The following ZDHHC21 variants were observed in gnomAD, a reference collection of about 807,000 sequenced individuals.
ZDHHC21 encodes palmitoyltransferase ZDHHC21.
A neutral mutation model predicts 34.6 loss-of-function variants in ZDHHC21; 15 were observed. That is an observed-to-expected ratio of 0.43 (90% CI 0.29 to 0.67). The LOEUF (loss-of-function observed/expected upper bound fraction) is 0.67. Among genes scored for constraint, ZDHHC21 ranks in the 30% least tolerant of loss-of-function variants. The pLI is 0.14. For synonymous variants in ZDHHC21, 142 were observed against 101.8 expected, an observed-to-expected ratio of 1.40 and a Z score of -2.38; for missense variants, 344 against 327.7, an observed-to-expected ratio of 1.05 and a Z score of -0.38.
At chr9:14,657,857 G>C (rs191700412) in intron 7 of ZDHHC21, among the ~76,000 whole-genome samples, 2 of 152,064 alleles carry the variant, frequency 1.3e-5, no homozygotes, top group African/African-American at 4.8e-5. Flanking sequence ...TTTCTTATTA[G>C]GCTCAATTAT....
chr9:14,673,541 AC>A (rs1052441450), intron 4 of ZDHHC21, among the ~76,000 whole-genome samples: 17 of 151,760 alleles, frequency 1.1e-4, no homozygotes, highest in Admixed American at 3.3e-4. Context: ...AAAAAAAAAA[AC>A]ATACTGTACA....
intron 7 of ZDHHC21, among the ~76,000 whole-genome samples, chr9:14,657,808 T>C (rs1369356716): frequency 6.6e-6 from 1 of 152,180 alleles, no homozygotes; most frequent in Non-Finnish European, 1.5e-5. Context: ...TTAAAAAAAT[T>C]ATTACCTTAA....
intron 7 of ZDHHC21, among the ~76,000 whole-genome samples, chr9:14,650,337 T>C (rs1003249051): frequency 1.3e-4 from 20 of 152,002 alleles, no homozygotes; most frequent in African/African-American, 4.8e-4. Context: ...CCAAATTACT[T>C]TTATATTAGC....
At chr9:14,606,404 T>A (rs1234650614), downstream of ZDHHC21, among the ~76,000 whole-genome samples, 2 of 152,210 alleles carry the variant, frequency 1.3e-5, no homozygotes, top group Non-Finnish European at 2.9e-5. Flanking sequence ...TAGAGGTCCA[T>A]GTAGGTGTTC....
At chr9:14,690,242 G>C (rs923866692) in intron 2 of ZDHHC21, 95 bp downstream of exon 2, 2 of 414,782 alleles carry the variant, frequency 4.8e-6, no homozygotes, top group Non-Finnish European at 9.5e-6. Flanking sequence ...GGGGGGTTGG[G>C]GGTAGAAGAC....
chr9:14,632,064 A>ACACAC (rs1554757642), intron 8 of ZDHHC21, among the ~76,000 whole-genome samples: 2,945 of 135,100 alleles, frequency 0.022, 75 homozygotes, highest in African/African-American at 0.072. Context: ...AACACACACA[A>ACACAC]ACACACACAC....
At chr9:14,640,603 T>TA (rs1270140466) in intron 7 of ZDHHC21, among the ~76,000 whole-genome samples, 12 of 152,264 alleles carry the variant, frequency 7.9e-5, no homozygotes, top group Middle Eastern at 3.4e-3. Context: ...AGCATTGTGT[T>TA]ACGTAACAGA....
Position 14,612,558 on chromosome 9 carries a change from T to A in ZDHHC21, c.*6408A>T, listed in dbSNP as rs1564165192. ...ATTAACTACTAAGCAAAATTAGTTTTAAAAATCTTACTCTATGTAAAGTGA... is the reference window on the plus strand; with the variant it reads ...ATTAACTACTAAGCAAAATTAGTTTAAAAAATCTTACTCTATGTAAAGTGA... On this transcript the variant is annotated 3_prime_UTR_variant, in exon 10 of 10. Coordinates refer to ENST00000380916, the MANE Select transcript of ZDHHC21 (RefSeq NM_178566.6). The A allele has an allele frequency of 6.6e-6, 1 of 151,986 alleles. No homozygotes were observed. The highest frequency in any genetic ancestry group is 2.4e-5 in the African/African-American group (1 of 41,434). 9.4% of individuals were successfully genotyped at this position (151,986 alleles called of 1,614,324 possible). A position where few individuals can be genotyped will look rare whatever the true frequency, so the allele number is the denominator to read the frequency against.
chr9:14,630,952 A>G (rs1286141813), intron 8 of ZDHHC21, among the ~76,000 whole-genome samples: 1 of 152,214 alleles, frequency 6.6e-6, no homozygotes, highest in Non-Finnish European at 1.5e-5. Context: ...ATTTAGCATA[A>G]TTCTTAAGAG....
At chr9:14,621,966 C>T (rs747215743) in intron 8 of ZDHHC21, among the ~76,000 whole-genome samples, 17 of 151,978 alleles carry the variant, frequency 1.1e-4, no homozygotes, top group Non-Finnish European at 2.1e-4. Flanking sequence ...ATGAAAGGAC[C>T]AATAAGATAA....
At chr9:14,650,811 A>G (rs1402785256) in intron 7 of ZDHHC21, among the ~76,000 whole-genome samples, 1 of 151,912 alleles carries the variant, frequency 6.6e-6, no homozygotes, top group Non-Finnish European at 1.5e-5. Flanking sequence ...GCTAAACATT[A>G]TTTATTTTCC....
At chr9:14,690,523 G>C in intron 1 of ZDHHC21, 138 bp from the exon 2 acceptor site, 2 of 369,822 alleles carry the variant, frequency 5.4e-6, no homozygotes, top group South Asian at 4.2e-5. Context: ...TTGTAGAAGG[G>C]GCAACACATC....
intron 7 of ZDHHC21, among the ~76,000 whole-genome samples, chr9:14,657,611 G>A (rs1832480886): frequency 6.6e-6 from 1 of 152,160 alleles, no homozygotes; most frequent in Admixed American, 6.5e-5. Flanking sequence ...AGCAGCCATA[G>A]ACAATATATA....
intron 6 of ZDHHC21, among the ~76,000 whole-genome samples, chr9:14,659,693 T>A (rs993572809): frequency 6.6e-6 from 1 of 152,232 alleles, no homozygotes; most frequent in African/African-American, 2.4e-5. Context: ...CAGGTTTCGG[T>A]CCTAACTTAA....
chr9:14,689,973 C>G (rs543153266), intron 2 of ZDHHC21, among the ~76,000 whole-genome samples: 84 of 152,164 alleles, frequency 5.5e-4, no homozygotes, highest in African/African-American at 2.0e-3. Flanking sequence ...TACAAAAGGT[C>G]TCTGTGGGAA....
chr9:14,635,776 G>A (rs1027145738), intron 8 of ZDHHC21, among the ~76,000 whole-genome samples: 30 of 152,116 alleles, frequency 2.0e-4, no homozygotes, highest in Admixed American at 1.4e-3. Context: ...CACAAGAATT[G>A]CTTGAACCTG....
chr9:14,609,715 GAA>G (rs1823140536), downstream of ZDHHC21, among the ~76,000 whole-genome samples: 1 of 152,020 alleles, frequency 6.6e-6, no homozygotes, highest in South Asian at 2.1e-4. Context: ...TTTCCAAAGT[GAA>G]AAAGAGACCA....
intron 6 of ZDHHC21, among the ~76,000 whole-genome samples, chr9:14,660,806 T>C (rs1833251112): frequency 6.6e-6 from 1 of 152,138 alleles, no homozygotes; most frequent in Non-Finnish European, 1.5e-5. Flanking sequence ...TTCTTACTAC[T>C]GCATTCGTTT....
At position 14,612,894 on chromosome 9, in the gene ZDHHC21, T is replaced by A. The variant is rs889525066; in HGVS notation, c.*6072A>T. 11 of 144,240 alleles carry A rather than the reference T, an allele frequency of 7.6e-5. No individual in the cohort carries two copies. In the Admixed American group the frequency reaches 7.8e-4, roughly 10 times the overall value. 8.9% of individuals were successfully genotyped at this position (144,240 alleles called of 1,614,324 possible). On this transcript the variant is annotated 3_prime_UTR_variant, in exon 10 of 10. Coordinates refer to ENST00000380916, the MANE Select transcript of ZDHHC21 (RefSeq NM_178566.6). ...CACACACACACACGCTGAACTCGATTTGTAATGAGAACGAACCTTAACTCT... is the reference window on the plus strand; with the variant it reads ...CACACACACACACGCTGAACTCGATATGTAATGAGAACGAACCTTAACTCT...
Sources: allele counts gnomAD v4.1 joint callset (sites outside exome capture counted in the v4.1 genomes callset), GRCh38; gene constraint gnomAD v4.1.1; transcripts MANE v1.5; gene names NCBI Gene and HGNC (gene_info 2026-07-23, HGNC 2026-07-21).